DPCD: variants seen among roughly 807,000 people sequenced by gnomAD.
The protein encoded by DPCD is deleted in primary ciliary dyskinesia homolog (mouse), also known as protein DPCD.
DPCD carries 20 observed loss-of-function variants against 26.4 expected under a neutral mutation model. The observed-to-expected ratio is 0.76, with a 90% confidence interval of 0.53 to 1.10. The LOEUF is 1.10. DPCD is among the 50% of genes least tolerant of loss of function. DPCD has a pLI of 0.00. For synonymous variants in DPCD, 97 were observed against 94.2 expected (o/e 1.03, Z -0.17); for missense variants, 202 against 253.9 (o/e 0.80, Z 1.39).
chr10:101,605,090 T>G (rs1372083343), intron 4 of DPCD: 7 of 1,550,190 alleles, frequency 4.5e-6, no homozygotes, highest in African/African-American at 2.7e-5. Flanking sequence ...GGTGCCAAGT[T>G]TGCCCAGAGC....
chr10:101,605,983 T>C (rs2063730654), intron 4 of DPCD, among the ~76,000 whole-genome samples: 1 of 152,238 alleles, frequency 6.6e-6, no homozygotes, highest in Non-Finnish European at 1.5e-5. Flanking sequence ...TAAATGTGTT[T>C]AGAACCTGGC....
At chr10:101,588,569 T>C in intron 1 of DPCD, 169 bp downstream of exon 1, 1 of 1,436,344 alleles carries the variant, frequency 7.0e-7, no homozygotes. Flanking sequence ...ATGACATGAC[T>C]GGAACACATG....
chr10:101,594,784 T>C, intron 2 of DPCD, 46 bp downstream of exon 2: 1 of 1,570,946 alleles, frequency 6.4e-7, no homozygotes, highest in Non-Finnish European at 8.8e-7. Flanking sequence ...TACTTGGGGC[T>C]GACATAAGCA....
chr10:101,603,672 G>A lies in DPCD; in HGVS notation c.404+2336G>A, dbSNP rs529065681. ...CTCGGGAGGCTGAGGAAGGAGAATC[G>A]CTTGAACCCAGGAGGTAGAGGTTGC... is the stretch of plus-strand genomic sequence containing the variant. On this transcript the variant is annotated intron_variant, in intron 4 of 5. Coordinates refer to ENST00000370151, the MANE Select transcript of DPCD (RefSeq NM_015448.3). The surrounding 1 kb of genome is among the most constrained non-coding windows in gnomAD (Gnocchi z 4.6). Among the ~76,000 whole-genome samples, 13 of 151,676 alleles carry A rather than the reference G, an allele frequency of 8.6e-5. No individual in the cohort carries two copies. The highest frequency in any genetic ancestry group is 2.4e-4 in the African/African-American group (10 of 41,340).
At chr10:101,601,916 C>T (rs2063701316) in intron 4 of DPCD, among the ~76,000 whole-genome samples, 1 of 152,222 alleles carries the variant, frequency 6.6e-6, no homozygotes, top group Admixed American at 6.5e-5. Context: ...GGGTACTCAA[C>T]TTCCCTTTGT....
In DPCD at chr10:101,608,890, G is replaced by T; in HGVS notation, c.460G>T (p.Asp154Tyr). 1 of 1,613,848 alleles carries T rather than the reference G, an allele frequency of 6.2e-7. No homozygotes were observed. Among genetic ancestry groups the T allele is most frequent in the South Asian group, 1.1e-5 (1 of 91,048 alleles). ...DLDRHQLPLD[D>Y]ALLSFAHANC... ...AGATAGACACCAGCTACCTCTGGAT[G>T]ACGCCTTGCTGAGCTTTGCCCACGC... is the stretch of plus-strand genomic sequence containing the variant. The change falls in exon 5 of 6, where the codon GAC becomes TAC. Residue 154 changes from aspartate (D) to tyrosine (Y), a missense_variant. This residue lies in a region of DPCD where 118 missense variants were observed against 145.1 expected (regional missense o/e 0.81). Coordinates refer to ENST00000370151, the MANE Select transcript of DPCD (RefSeq NM_015448.3).
In DPCD at chr10:101,597,176, C is replaced by T. The variant is rs1010422117; in HGVS notation, c.145+2438C>T. ...CAGGCCATCCCCCAGCGATTACATT[C>T]GGATTACCGACTTAATCTGCTTTGG... is the stretch of plus-strand genomic sequence containing the variant. On this transcript the variant is annotated intron_variant, in intron 2 of 5. Coordinates refer to ENST00000370151, the MANE Select transcript of DPCD (RefSeq NM_015448.3). 3.3e-5 allele frequency among the ~76,000 whole-genome samples: 5 copies of T among 152,312 alleles called. No individual in the cohort carries two copies. In the East Asian group the frequency reaches 7.7e-4, roughly 24 times the overall value.
intron 3 of DPCD, 120 bp from the exon 4 acceptor site, chr10:101,601,083 G>A (rs928481484): frequency 3.0e-5 from 46 of 1,512,520 alleles, no homozygotes; most frequent in Middle Eastern, 2.4e-4. Context: ...CAATAGCAGC[G>A]TCAGAGGGGA....
chr10:101,602,191 G>A (rs1241800469), intron 4 of DPCD, among the ~76,000 whole-genome samples: 1 of 152,244 alleles, frequency 6.6e-6, no homozygotes, highest in Non-Finnish European at 1.5e-5. Context: ...TTACCTGTCT[G>A]CAAGCTGTGA....
intron 1 of DPCD, 58 bp downstream of exon 1, chr10:101,588,458 G>A: frequency 6.5e-7 from 1 of 1,550,310 alleles, no homozygotes; most frequent in South Asian, 1.2e-5. Context: ...CCGGCCCTCC[G>A]GGAAGGGCCT....
At chr10:101,594,178 T>G (rs201624915) in intron 1 of DPCD, among the ~76,000 whole-genome samples, 1 of 151,958 alleles carries the variant, frequency 6.6e-6, no homozygotes, top group Non-Finnish European at 1.5e-5. Context: ...CCTGAACACA[T>G]AGAGAGATAA....
chr10:101,590,701 C>G (rs1199459026), intron 1 of DPCD, among the ~76,000 whole-genome samples: 1 of 151,572 alleles, frequency 6.6e-6, no homozygotes, highest in African/African-American at 2.4e-5. Context: ...ACCTCAGCCT[C>G]TTGAATAGCT....
Position 101,600,535 on chromosome 10 carries a change from T to G in DPCD, c.146-203T>G, listed in dbSNP as rs2063685963. Reference sequence around the variant, plus strand: ...ATGCGCTTTGAGGGTTGTCTAATGTTGAAATGCTCTACTGAAATTTCAGAA... The same window carrying G: ...ATGCGCTTTGAGGGTTGTCTAATGTGGAAATGCTCTACTGAAATTTCAGAA... On this transcript the variant is annotated intron_variant, in intron 2 of 5. Coordinates refer to ENST00000370151, the MANE Select transcript of DPCD (RefSeq NM_015448.3). The surrounding 1 kb of genome is among the most constrained non-coding windows in gnomAD (Gnocchi z 4.7). Among the ~76,000 whole-genome samples, 1 of 152,212 alleles carries G rather than the reference T, an allele frequency of 6.6e-6. No individual in the cohort carries two copies. The highest frequency in any genetic ancestry group is 2.1e-4 in the South Asian group (1 of 4,836).
chr10:101,588,355 T>C lies in DPCD; in HGVS notation c.19T>C (p.Leu7=). 6.3e-7 allele frequency: 1 copy of C among 1,599,802 alleles called. No homozygotes were observed. The highest frequency in any genetic ancestry group is 8.5e-7 in the Non-Finnish European group (1 of 1,171,272). MAVTGW[L]ESLRTAQKTA... is the part of the protein sequence containing the mutation. ...GGGAAAGATGGCGGTGACGGGCTGGTTGGAGAGTCTGCGGACAGCCCAGAA... is the reference window on the plus strand; with the variant it reads ...GGGAAAGATGGCGGTGACGGGCTGGCTGGAGAGTCTGCGGACAGCCCAGAA... Residue 7 remains leucine, a synonymous_variant, in exon 1 of 6, where the codon TTG becomes CTG. Transcript: ENST00000370151.
Position 101,608,997 on chromosome 10 carries a change from C to G in DPCD, c.507+60C>G, listed in dbSNP as rs2063753590. ...AGGGAGAGTCTTCCTCTTTCCCTGC[C>G]CACTTCCCATCCCATAAGAGTCCTC... On this transcript the variant is annotated intron_variant, in intron 5 of 5. Transcript: ENST00000370151. 3 of 1,364,166 alleles carry G rather than the reference C, an allele frequency of 2.2e-6. No homozygotes were observed. The South Asian group carries it at 3.5e-5, about 16-fold the overall frequency. 84.5% of individuals were successfully genotyped at this position (1,364,166 alleles called of 1,614,324 possible). A position where few individuals can be genotyped will look rare whatever the true frequency, so the allele number is the denominator to read the frequency against.
At position 101,588,367 on chromosome 10, in the gene DPCD, C is replaced by G. The variant is rs1387752484; in HGVS notation, c.31C>G (p.Arg11Gly). The G allele has an allele frequency of 1.9e-6, 3 of 1,597,796 alleles. No homozygotes were observed. The highest frequency in any genetic ancestry group is 1.7e-6 in the Non-Finnish European group (2 of 1,170,176). The change falls in exon 1 of 6, where the codon CGG becomes GGG. Residue 11 changes from arginine (R) to glycine (G), a missense_variant. Arg to Gly is a moderately radical substitution (Grantham distance 125). Transcript: ENST00000370151. ...GGTGACGGGCTGGTTGGAGAGTCTG[C>G]GGACAGCCCAGAAGACTGCGCTGCT... is the stretch of plus-strand genomic sequence containing the variant. MAVTGWLESLRTAQKTALLQD... is the reference protein window; with the variant it reads MAVTGWLESLGTAQKTALLQD...
intron 1 of DPCD, among the ~76,000 whole-genome samples, chr10:101,590,602 A>G (rs1216200142): frequency 9.8e-6 from 1 of 102,150 alleles, no homozygotes; most frequent in East Asian, 2.7e-4. Context: ...TTTTTTTTTT[A>G]GAGACAGGGT....
At chr10:101,607,197 C>G (rs2063738399) in intron 4 of DPCD, among the ~76,000 whole-genome samples, 1 of 152,168 alleles carries the variant, frequency 6.6e-6, no homozygotes, top group Non-Finnish European at 1.5e-5. Context: ...GTTAACACTT[C>G]CTAACAAGTC....
intron 2 of DPCD, among the ~76,000 whole-genome samples, chr10:101,598,595 A>G (rs1199693235): frequency 7.9e-6 from 1 of 127,198 alleles, no homozygotes; most frequent in East Asian, 2.4e-4. Context: ...AAATACAGAC[A>G]TTGGGTAGAT....
Sources: gnomAD v4.1 joint callset for allele counts (sites outside exome capture counted in the v4.1 genomes callset) on GRCh38, gnomAD v4.1.1 for gene constraint, gnomAD v4.1.1 regional missense constraint, Gnocchi (gnomAD v3.1) non-coding constraint, MANE v1.5 for transcripts, NCBI Gene and HGNC (gene_info 2026-07-23, HGNC 2026-07-21) for gene names.